CSMD3: variants seen among roughly 807,000 people sequenced by gnomAD.
CSMD3 encodes the protein CUB and Sushi multiple domains 3, also known as CUB and sushi domain-containing protein 3.
CSMD3 carries 177 observed loss-of-function variants against 435.2 expected under a neutral mutation model. That is an observed-to-expected ratio of 0.41 (90% CI 0.36 to 0.46). The LOEUF (loss-of-function observed/expected upper bound fraction) is 0.46, where lower values mean the gene tolerates loss of function less well. Among genes scored for constraint, CSMD3 ranks in the 20% least tolerant of loss-of-function variants. CSMD3 has a pLI of 0.34. For synonymous variants in CSMD3, 1,656 were observed against 1,520.5 expected (o/e 1.09, Z -2.07); for missense variants, 4,265 against 4,504.6 (o/e 0.95, Z 1.52).
At chr8:112,684,172 T>C (rs752629429) in intron 15 of CSMD3, among the ~76,000 whole-genome samples, 80 of 151,904 alleles carry the variant, frequency 5.3e-4, no homozygotes, top group Non-Finnish European at 1.0e-3. Context: ...ATAAAAATTA[T>C]AGATAGATAG....
intron 13 of CSMD3, among the ~76,000 whole-genome samples, chr8:112,712,417 C>T (rs779697224): frequency 2.6e-5 from 4 of 152,104 alleles, no homozygotes; most frequent in Non-Finnish European, 5.9e-5. Context: ...ATGTTAATTA[C>T]TCACCTACTC....
intron 27 of CSMD3, among the ~76,000 whole-genome samples, chr8:112,536,343 C>T (rs1182450515): frequency 6.6e-6 from 1 of 152,110 alleles, no homozygotes; most frequent in East Asian, 1.9e-4. Context: ...TAAACAACCC[C>T]ATCAAAAAGT....
intron 6 of CSMD3, among the ~76,000 whole-genome samples, chr8:113,008,303 C>CA (rs1240426385): frequency 1.3e-5 from 2 of 151,598 alleles, no homozygotes; most frequent in African/African-American, 2.4e-5. Flanking sequence ...TGAACAATAA[C>CA]AAAAGCTGAG....
rs896081451 is a variant in CSMD3 at position 112,613,638 on chromosome 8, G to A, written c.3715+23179C>T. On this transcript the variant is annotated intron_variant, in intron 22 of 70. Coordinates refer to ENST00000297405, the MANE Select transcript of CSMD3 (RefSeq NM_198123.2). ...CTACACTTTGCAAGAGAAATACTAT[G>A]GAGTGATTGTAGGTGACATTCTTAC... Among the ~76,000 whole-genome samples, 6 of 152,196 alleles carry A rather than the reference G, an allele frequency of 3.9e-5. No homozygotes were observed. The South Asian group carries it at 8.3e-4, about 21-fold the overall frequency.
chr8:113,262,482 C>T (rs1172679400), intron 3 of CSMD3, among the ~76,000 whole-genome samples: 2 of 151,908 alleles, frequency 1.3e-5, no homozygotes, highest in African/African-American at 4.8e-5. Flanking sequence ...AATTATGCAG[C>T]TAATATAATA....
At chr8:113,102,561 C>G (rs2090360548) in intron 4 of CSMD3, among the ~76,000 whole-genome samples, 1 of 152,052 alleles carries the variant, frequency 6.6e-6, no homozygotes, top group African/African-American at 2.4e-5. Context: ...ACATTTAGTA[C>G]TAATGCTGTA....
At chr8:112,912,962 T>A (rs902465154) in intron 10 of CSMD3, among the ~76,000 whole-genome samples, 2 of 151,780 alleles carry the variant, frequency 1.3e-5, no homozygotes, top group Non-Finnish European at 2.9e-5. Context: ...GGAAAAAAAA[T>A]GTTCATACTC....
intron 30 of CSMD3, among the ~76,000 whole-genome samples, chr8:112,503,085 A>G (rs1422626998): frequency 6.6e-6 from 1 of 152,174 alleles, no homozygotes; most frequent in Non-Finnish European, 1.5e-5. Flanking sequence ...ATATTTAAAT[A>G]TCTGTAGACA....
intron 2 of CSMD3, chr8:113,313,539 A>C (rs1047230623): frequency 3.3e-5 from 5 of 152,094 alleles, no homozygotes; most frequent in East Asian, 1.9e-4. Flanking sequence ...CTAAATTTTT[A>C]CTTAAAATTG....
intron 22 of CSMD3, among the ~76,000 whole-genome samples, chr8:112,602,451 A>G (rs1313641921): frequency 6.6e-6 from 1 of 151,884 alleles, no homozygotes; most frequent in Non-Finnish European, 1.5e-5. Flanking sequence ...CTGTAATCCC[A>G]GCTATTCAGG....
At chr8:113,316,500 T>C (rs2093910892) in intron 1 of CSMD3, among the ~76,000 whole-genome samples, 2 of 152,020 alleles carry the variant, frequency 1.3e-5, no homozygotes, top group South Asian at 4.2e-4. Flanking sequence ...CTTTTCACAA[T>C]AGCACCTTGT....
intron 1 of CSMD3, among the ~76,000 whole-genome samples, chr8:113,381,879 T>C (rs1401699881): frequency 6.6e-6 from 1 of 152,174 alleles, no homozygotes; most frequent in Non-Finnish European, 1.5e-5. Flanking sequence ...GTTTTGCCCA[T>C]TCACAAATAG....
At chr8:112,986,761 A>G (rs2085269109) in intron 6 of CSMD3, among the ~76,000 whole-genome samples, 1 of 152,076 alleles carries the variant, frequency 6.6e-6, no homozygotes, top group African/African-American at 2.4e-5. Flanking sequence ...TGAATTATAT[A>G]CAGACACCGT....
intron 13 of CSMD3, among the ~76,000 whole-genome samples, chr8:112,781,892 G>A (rs753714411): frequency 3.9e-5 from 6 of 152,094 alleles, no homozygotes; most frequent in Non-Finnish European, 7.4e-5. Flanking sequence ...CCCTTAATGC[G>A]GATATGGCAG....
chr8:112,890,494 G>T (rs1031405688), intron 10 of CSMD3, among the ~76,000 whole-genome samples: 2 of 151,566 alleles, frequency 1.3e-5, no homozygotes, highest in Admixed American at 6.6e-5. Context: ...GGAAAAATAT[G>T]TCATAAGCAT....
chr8:112,305,365 A>T (rs923282443), intron 51 of CSMD3, among the ~76,000 whole-genome samples: 2 of 152,106 alleles, frequency 1.3e-5, no homozygotes, highest in African/African-American at 4.8e-5. Flanking sequence ...AACAATCTTC[A>T]TTTTAAATGA....
chr8:112,989,467 GTTTCTACC>G (rs2085371859), intron 6 of CSMD3, among the ~76,000 whole-genome samples: 1 of 151,922 alleles, frequency 6.6e-6, no homozygotes, highest in African/African-American at 2.4e-5. Context: ...TACATACTGA[GTTTCTACC>G]TTTTGCTAGC....
At chr8:113,022,397 A>G (rs2086714404) in intron 5 of CSMD3, among the ~76,000 whole-genome samples, 1 of 152,090 alleles carries the variant, frequency 6.6e-6, no homozygotes, top group Non-Finnish European at 1.5e-5. Flanking sequence ...TATGACAAAT[A>G]CCAATGGTAA....
intron 27 of CSMD3, among the ~76,000 whole-genome samples, chr8:112,541,671 G>A (rs765671701): frequency 1.3e-5 from 2 of 151,786 alleles, no homozygotes; most frequent in East Asian, 1.9e-4. Flanking sequence ...TCTACCAAAC[G>A]TTTAAATAAG....
Sources: gnomAD v4.1 joint callset for allele counts (sites outside exome capture counted in the v4.1 genomes callset) on GRCh38, gnomAD v4.1.1 for gene constraint, MANE v1.5 for transcripts, NCBI Gene and HGNC (gene_info 2026-07-23, HGNC 2026-07-21) for gene names.